The following TMEM114 variants were observed in gnomAD, a reference collection of about 807,000 sequenced individuals.
TMEM114 encodes claudin-26.
Under a neutral mutation model 6.2 loss-of-function variants are expected in TMEM114, and 6 were observed. The ratio of observed to expected loss-of-function variants is 0.97; its 90% CI spans 0.53 to 1.91. TMEM114 has a LOEUF of 1.91. Ranked by LOEUF, TMEM114 falls within the 40% of genes most tolerant of loss-of-function variation. The probability of loss-of-function intolerance (pLI) is 0.01; values close to 1 mark genes in which losing one functional copy is unlikely to be tolerated. For synonymous variants in TMEM114, 104 were observed against 73.0 expected, an observed-to-expected ratio of 1.42 and a Z score of -2.16; for missense variants, 218 against 158.3, an observed-to-expected ratio of 1.38 and a Z score of -2.02.
At chr16:8,552,375 C>G (rs929768426) in intron 2 of TMEM114, among the ~76,000 whole-genome samples, 5 of 151,786 alleles carry the variant, frequency 3.3e-5, no homozygotes, top group African/African-American at 1.2e-4. Context: ...CAGAGTGAGA[C>G]TCTATTTCTT....
intron 2 of TMEM114, among the ~76,000 whole-genome samples, chr16:8,539,871 G>T (rs1264753338): frequency 1.3e-5 from 2 of 152,010 alleles, no homozygotes; most frequent in African/African-American, 4.8e-5. Context: ...AGGCTGGAAT[G>T]CAGTGAAACA....
At position 8,572,018 on chromosome 16, in the gene TMEM114, T is replaced by C. The variant is rs1296932359; in HGVS notation, c.439+69A>G. ...TGGGATCCCCCTCGTTTGCTGAGGG[T>C]TCATACACAGTACCCATTGCCCAAC... On this transcript the variant is annotated intron_variant, in intron 3 of 3. Transcript: ENST00000620492. 3 of 1,457,336 alleles carry C rather than the reference T, an allele frequency of 2.1e-6. No homozygotes were observed. In the Admixed American group the frequency reaches 8.4e-5, roughly 41 times the overall value. 90.3% of individuals were successfully genotyped at this position (1,457,336 alleles called of 1,614,324 possible). A position where few individuals can be genotyped will look rare whatever the true frequency, so the allele number is the denominator to read the frequency against.
intron 2 of TMEM114, among the ~76,000 whole-genome samples, chr16:8,573,748 C>T (rs774808073): frequency 6.6e-6 from 1 of 152,174 alleles, no homozygotes; most frequent in Non-Finnish European, 1.5e-5. Flanking sequence ...CCTTACACTG[C>T]ATTCACCACT....
chr16:8,535,951 C>T (rs952680612), downstream of TMEM114, among the ~76,000 whole-genome samples: 3 of 152,116 alleles, frequency 2.0e-5, no homozygotes, highest in Non-Finnish European at 2.9e-5. Flanking sequence ...GTGGGGAGGG[C>T]GCGGTGGCTT....
At chr16:8,549,087 C>G (rs141700145) in intron 2 of TMEM114, among the ~76,000 whole-genome samples, 2 of 144,594 alleles carry the variant, frequency 1.4e-5, no homozygotes, top group Admixed American at 7.5e-5. Flanking sequence ...GAGGCTGAGG[C>G]AGGAGAATGG....
At position 8,574,417 on chromosome 16, in the gene TMEM114, C is replaced by T. The variant is rs570966524; in HGVS notation, c.302-2193G>A. 1.3e-3 allele frequency among the ~76,000 whole-genome samples: 197 copies of T among 152,306 alleles called. 1 individual carries two copies. The highest frequency in any genetic ancestry group is 3.4e-3 in the Middle Eastern group (1 of 294). ...CATAACTTGGTCCGTGACCTCCACT[C>T]TGACCAAAATGTTTTGCCTTCAGTC... On this transcript the variant is annotated intron_variant, in intron 2 of 3. Coordinates refer to ENST00000620492, the MANE Select transcript of TMEM114 (RefSeq NM_001146336.2).
At chr16:8,554,150 C>G (rs1015016570) in intron 2 of TMEM114, among the ~76,000 whole-genome samples, 2 of 152,036 alleles carry the variant, frequency 1.3e-5, no homozygotes, top group Non-Finnish European at 2.9e-5. Context: ...AAGACTACTT[C>G]ACTGTAACAG....
rs768485021 is a variant in TMEM114 at position 8,564,109 on chromosome 16, ATAAG to A, written n.212+25100_212+25103del. Among the ~76,000 whole-genome samples, 139 of 144,842 alleles carry A rather than the reference ATAAG, an allele frequency of 9.6e-4. 12 individuals carry two copies. Among genetic ancestry groups the A allele is most frequent in the Middle Eastern group, 3.9e-3 (1 of 258 alleles). On this transcript the variant is annotated intron_variant and non_coding_transcript_variant, in intron 2 of 2. Transcript: ENST00000623677. ...AGTGAGTGAGTGAATGAGTGAGGAA[ATAAG>A]TAAGTGAATGAGTGAGTTAGTGAAT...
Position 8,569,809 on chromosome 16 carries a change from C to A in TMEM114, c.636G>T (p.Glu212Asp). Residue 212 changes from glutamate to aspartate, a missense_variant, in exon 4 of 4, where the codon GAG becomes GAT. Transcript: ENST00000620492. ...TGAAFLAAAR[E>D]LSLRRRQDQA... ...GGTCCTGCCTCCGTCTCAGGCTGAG[C>A]TCGCGGGCTGCTGCCAGGAAGGCTG... The A allele has an allele frequency of 6.4e-7, 1 of 1,550,834 alleles. No individual in the cohort carries two copies. The highest frequency in any genetic ancestry group is 8.7e-7 in the Non-Finnish European group (1 of 1,146,920).
At chr16:8,541,623 T>TTGTGTCAG (rs1900517966) in intron 2 of TMEM114, among the ~76,000 whole-genome samples, 1 of 152,220 alleles carries the variant, frequency 6.6e-6, no homozygotes, top group African/African-American at 2.4e-5. Context: ...AAATAATTAA[T>TTGTGTCAG]TGTGTCAGTT....
At chr16:8,535,939 G>A (rs895038740), downstream of TMEM114, among the ~76,000 whole-genome samples, 1 of 152,144 alleles carries the variant, frequency 6.6e-6, no homozygotes, top group East Asian at 1.9e-4. Flanking sequence ...AAAATGAAGG[G>A]AGTGGGGAGG....
In TMEM114 at chr16:8,569,946, C is replaced by A; in HGVS notation, c.499G>T (p.Glu167Ter). The A allele has an allele frequency of 6.4e-7, 1 of 1,551,072 alleles. No homozygotes were observed. Among genetic ancestry groups the A allele is most frequent in the Admixed American group, 2.0e-5 (1 of 51,012 alleles). Reference protein sequence around the residue: ...YIAYSAAAFREALCLLEEKAL... With the variant: ...YIAYSAAAFR ...TTCTCCTCCAAGAGACACAGCGCCT[C>A]CCGGAAGGCGGCGGCTGAATACGCT... The change falls in exon 4 of 4, where the codon GAG becomes TAG. Residue 167 changes from glutamate (E) to a stop codon, truncating the protein, a stop_gained. Coordinates refer to ENST00000620492, the MANE Select transcript of TMEM114 (RefSeq NM_001146336.2). LOFTEE classifies it high-confidence loss of function.
chr16:8,560,461 T>A (rs1389512760), intron 2 of TMEM114, among the ~76,000 whole-genome samples: 1 of 152,016 alleles, frequency 6.6e-6, no homozygotes, highest in Non-Finnish European at 1.5e-5. Flanking sequence ...TTAACAAAAG[T>A]TTGCATGCCA....
the TMEM114 span, among the ~76,000 whole-genome samples, chr16:8,529,729 T>TAAA: frequency 2.5e-4 from 34 of 135,756 alleles, no homozygotes; most frequent in African/African-American, 7.8e-4. Flanking sequence ...AAAGAAAACT[T>TAAA]AAAAAAAAAA....
intron 2 of TMEM114, among the ~76,000 whole-genome samples, chr16:8,576,125 A>G (rs1238638798): frequency 6.6e-6 from 1 of 152,144 alleles, no homozygotes; most frequent in East Asian, 1.9e-4. Flanking sequence ...GCCCAAGCAG[A>G]GGTGTAAACA....
intron 2 of TMEM114, among the ~76,000 whole-genome samples, chr16:8,577,060 G>A (rs745545488): frequency 5.3e-5 from 8 of 152,194 alleles, no homozygotes; most frequent in Non-Finnish European, 8.8e-5. Flanking sequence ...AGACCTGAGC[G>A]TGGTTCTTAC....
chr16:8,567,347 G>T (rs2141679198), downstream of TMEM114, among the ~76,000 whole-genome samples: 1 of 152,288 alleles, frequency 6.6e-6, no homozygotes, highest in East Asian at 1.9e-4. Flanking sequence ...CCATGAATGT[G>T]TCCCCAGGCC....
chr16:8,536,594 C>G (rs1411464325), downstream of TMEM114, among the ~76,000 whole-genome samples: 1 of 152,242 alleles, frequency 6.6e-6, no homozygotes, highest in African/African-American at 2.4e-5. Context: ...AAAGATCCCT[C>G]TGACAAAGCC....
At chr16:8,569,436 C>G (rs1006192520), downstream of TMEM114, 30 of 1,138,202 alleles carry the variant, frequency 2.6e-5, no homozygotes, top group Non-Finnish European at 2.7e-5. Context: ...ATCCAAGGGA[C>G]ATGGGTGAGG....
Sources: allele counts gnomAD v4.1 joint callset (sites outside exome capture counted in the v4.1 genomes callset), GRCh38; gene constraint gnomAD v4.1.1; transcripts MANE v1.5; gene names NCBI Gene and HGNC (gene_info 2026-07-23, HGNC 2026-07-21).